PPM1D: variants seen among roughly 807,000 people sequenced by gnomAD.
The protein encoded by PPM1D is protein phosphatase 1D.
Under a neutral mutation model 58.3 loss-of-function variants are expected in PPM1D, and 52 were observed. That is an observed-to-expected ratio of 0.89 (90% CI 0.71 to 1.12). The LOEUF is 1.12. PPM1D is among the 50% of genes most tolerant of loss of function. The probability of loss-of-function intolerance (pLI) is 0.00; values close to 1 mark genes in which losing one functional copy is unlikely to be tolerated. For synonymous variants in PPM1D, 278 were observed against 285.1 expected, an observed-to-expected ratio of 0.98 and a Z score of 0.25; for missense variants, 564 against 777.2, an observed-to-expected ratio of 0.73 and a Z score of 3.26.
chr17:60,641,114 A>G (rs1353799754), intron 3 of PPM1D, among the ~76,000 whole-genome samples: 1 of 152,156 alleles, frequency 6.6e-6, no homozygotes, highest in Non-Finnish European at 1.5e-5. Context: ...TTGGATGTAT[A>G]CCCACTAACA....
chr17:60,600,677 C>G lies in PPM1D; in HGVS notation c.263C>G (p.Pro88Arg), dbSNP rs777761218. Reference protein sequence around the residue: ...PLPDAGASPAPSRCCRRRSSV... With the variant: ...PLPDAGASPARSRCCRRRSSV... ...CCGGACGCCGGGGCCTCGCCGGCAC[C>G]TAGCCGCTGCTGCCGCCGCCGTTCC... Residue 88 changes from proline (P) to arginine (R), a missense_variant, in exon 1 of 6, where the codon CCT (proline) becomes CGT (arginine). Physicochemically the swap from Pro to Arg is moderately radical, Grantham distance 103. Coordinates refer to ENST00000305921, the MANE Select transcript of PPM1D (RefSeq NM_003620.4). The G allele has an allele frequency of 2.5e-6, 4 of 1,573,616 alleles. No individual in the cohort carries two copies. The highest frequency in any genetic ancestry group is 2.7e-5 in the African/African-American group (2 of 73,252).
chr17:60,640,640 A>G (rs1000571529), intron 3 of PPM1D, among the ~76,000 whole-genome samples: 2 of 152,182 alleles, frequency 1.3e-5, no homozygotes, highest in Non-Finnish European at 2.9e-5. Context: ...TCCGTCATCC[A>G]GGTAGGGAGC....
In PPM1D at chr17:60,615,529, A is replaced by G. The variant is rs188014326; in HGVS notation, c.473-7992A>G. 1.4e-4 allele frequency among the ~76,000 whole-genome samples: 21 copies of G among 152,210 alleles called. No individual in the cohort carries two copies. In the East Asian group the frequency reaches 4.0e-3, roughly 29 times the overall value. ...AAATATAAAGTAGGAAATAAATACT[A>G]TAGTTAAGGAAGACAACATAAAAAT... is the stretch of plus-strand genomic sequence containing the variant. On this transcript the variant is annotated intron_variant, in intron 1 of 5. Transcript: ENST00000305921.
chr17:60,643,886 T>TC (rs1435281029), intron 3 of PPM1D, among the ~76,000 whole-genome samples: 30 of 137,248 alleles, frequency 2.2e-4, no homozygotes, highest in East Asian at 2.1e-4. Context: ...TTCTTTTCTT[T>TC]TTTTTTTTTT....
At chr17:60,619,551 C>CT (rs1416214102) in intron 1 of PPM1D, among the ~76,000 whole-genome samples, 1 of 152,166 alleles carries the variant, frequency 6.6e-6, no homozygotes, top group East Asian at 1.9e-4. Flanking sequence ...CACTTGTTTA[C>CT]TGTTATCTTT....
At chr17:60,628,455 T>G (rs1598405130) in intron 2 of PPM1D, among the ~76,000 whole-genome samples, 1 of 152,200 alleles carries the variant, frequency 6.6e-6, no homozygotes, top group South Asian at 2.1e-4. Flanking sequence ...TCCATCATTA[T>G]AGTATCATGC....
chr17:60,654,691 G>A (rs537079504), intron 4 of PPM1D, among the ~76,000 whole-genome samples: 52 of 151,198 alleles, frequency 3.4e-4, no homozygotes, highest in African/African-American at 1.1e-3. Context: ...GTGAAACCCC[G>A]TCTCTACTAA....
chr17:60,610,666 G>C (rs901066402), intron 1 of PPM1D, among the ~76,000 whole-genome samples: 11 of 152,270 alleles, frequency 7.2e-5, no homozygotes, highest in African/African-American at 2.6e-4. Context: ...TACAATGTCT[G>C]TAACTGCTTT....
intron 3 of PPM1D, among the ~76,000 whole-genome samples, chr17:60,636,513 G>A (rs2031024007): frequency 2.0e-5 from 3 of 152,112 alleles, no homozygotes; most frequent in African/African-American, 7.2e-5. Flanking sequence ...AATAAAGCAG[G>A]GAATGCTATG....
intron 3 of PPM1D, among the ~76,000 whole-genome samples, chr17:60,644,313 A>T (rs1403825635): frequency 6.6e-6 from 1 of 151,928 alleles, no homozygotes; most frequent in Non-Finnish European, 1.5e-5. Flanking sequence ...AAGTTTTTTT[A>T]AAAATAAAGA....
At chr17:60,618,724 T>A (rs1235090217) in intron 1 of PPM1D, among the ~76,000 whole-genome samples, 1 of 152,218 alleles carries the variant, frequency 6.6e-6, no homozygotes, top group Non-Finnish European at 1.5e-5. Context: ...TATTCTGTTC[T>A]CTGTGTTGTT....
intron 3 of PPM1D, 126 bp from the exon 4 acceptor site, chr17:60,647,766 G>GA (rs1174977219): frequency 2.1e-5 from 19 of 898,018 alleles, no homozygotes; most frequent in Non-Finnish European, 2.9e-5. Context: ...AGAGGAGTTT[G>GA]AATGTTATCA....
At position 60,620,769 on chromosome 17, in the gene PPM1D, A is replaced by G. The variant is rs866747181; in HGVS notation, c.473-2752A>G. Among the ~76,000 whole-genome samples, 6 of 151,678 alleles carry G rather than the reference A, an allele frequency of 4.0e-5. No individual in the cohort carries two copies. The South Asian group carries it at 8.3e-4, about 21-fold the overall frequency. The stretch of plus-strand genomic sequence containing the variant: ...ATGGTCCACCCACTTTGGCTTTCCA[A>G]AGTGCTGGGATTACAGGCATGAGCC... On this transcript the variant is annotated intron_variant, in intron 1 of 5. Transcript: ENST00000305921.
In PPM1D at chr17:60,600,237, G is replaced by C. The variant is rs974706115; in HGVS notation, c.-178G>C. 1.1e-4 allele frequency: 138 copies of C among 1,283,906 alleles called. No individual in the cohort carries two copies. Among genetic ancestry groups the C allele is most frequent in the Non-Finnish European group, 1.4e-4 (134 of 968,256 alleles). The allele number at this position is 1,283,906 out of a possible 1,614,324, so 79.5% of individuals were successfully genotyped here. ...CTGGCTCTGCTCGCTCCGGCGCTCC[G>C]GCCCAGCTCTCGCGGACAAGTCCAG... is the stretch of plus-strand genomic sequence containing the variant. On this transcript the variant is annotated 5_prime_UTR_variant, in exon 1 of 6. Coordinates refer to ENST00000305921, the MANE Select transcript of PPM1D (RefSeq NM_003620.4).
intron 3 of PPM1D, among the ~76,000 whole-genome samples, chr17:60,637,736 A>C (rs1364366748): frequency 2.0e-5 from 3 of 152,094 alleles, no homozygotes; most frequent in Admixed American, 1.3e-4. Flanking sequence ...TCTCACTGTT[A>C]AGACTCGGGG....
At chr17:60,658,722 G>A (rs138149503) in intron 5 of PPM1D, among the ~76,000 whole-genome samples, 3,574 of 152,070 alleles carry the variant, frequency 0.024, 142 homozygotes, top group African/African-American at 0.082. Context: ...CCAGCACTTT[G>A]GGAGGCAGAG....
At chr17:60,658,114 A>T (rs1353221227) in intron 5 of PPM1D, among the ~76,000 whole-genome samples, 3 of 152,160 alleles carry the variant, frequency 2.0e-5, no homozygotes, top group Non-Finnish European at 4.4e-5. Flanking sequence ...AAGCCTCTTT[A>T]TTCTCTTTTC....
intron 1 of PPM1D, among the ~76,000 whole-genome samples, chr17:60,621,667 G>A (rs1283745563): frequency 2.7e-5 from 4 of 147,290 alleles, no homozygotes; most frequent in Admixed American, 2.1e-4. Flanking sequence ...TCCGCCTCCC[G>A]GGTTCACGCC....
At chr17:60,606,655 G>A (rs1000843453) in intron 1 of PPM1D, among the ~76,000 whole-genome samples, 3 of 151,958 alleles carry the variant, frequency 2.0e-5, no homozygotes, top group Non-Finnish European at 2.9e-5. Flanking sequence ...GAATTATTTG[G>A]TGTTAAGCTT....
Sources: allele counts gnomAD v4.1 joint callset (sites outside exome capture counted in the v4.1 genomes callset), GRCh38; gene constraint gnomAD v4.1.1; transcripts MANE v1.5; gene names NCBI Gene and HGNC (gene_info 2026-07-23, HGNC 2026-07-21).